The following ROBO2 variants were observed in gnomAD, a reference collection of about 807,000 sequenced individuals.
ROBO2 encodes the protein roundabout guidance receptor 2.
ROBO2 carries 53 observed loss-of-function variants against 160.8 expected under a neutral mutation model. The ratio of observed to expected loss-of-function variants is 0.33; its 90% CI spans 0.26 to 0.41. The LOEUF (loss-of-function observed/expected upper bound fraction) is 0.41, where lower values mean the gene tolerates loss of function less well. Ranked by LOEUF, ROBO2 falls within the 10% of genes least tolerant of loss-of-function variation. The pLI is 1.00. For missense variants in ROBO2, 1,577 were observed against 1,722.4 expected, an observed-to-expected ratio of 0.92 and a Z score of 1.49; for synonymous variants, 664 against 611.7, an observed-to-expected ratio of 1.09 and a Z score of -1.26.
At chr3:76,007,224 A>G (rs2066047264) in intron 2 of ROBO2, among the ~76,000 whole-genome samples, 1 of 152,138 alleles carries the variant, frequency 6.6e-6, no homozygotes, top group South Asian at 2.1e-4. Flanking sequence ...AAGTTAAAAT[A>G]AAAATCAAGA....
In ROBO2 at chr3:76,246,970, A is replaced by T. The variant is rs149417343; in HGVS notation, c.109+309368A>T. ...TTAGTTGTAAATTATCAGGCCTGGA[A>T]CACAACTGTAATGCTCAAGGGTGAC... is the stretch of plus-strand genomic sequence containing the variant. On this transcript the variant is annotated intron_variant, in intron 2 of 26. Coordinates refer to the ROBO2 transcript ENST00000487694. Among the ~76,000 whole-genome samples, 242 of 152,246 alleles carry T rather than the reference A, an allele frequency of 1.6e-3. 1 individual carries two copies. Among genetic ancestry groups the T allele is most frequent in the African/African-American group, 5.1e-3 (212 of 41,556 alleles).
At chr3:76,544,213 C>A (rs2082968791) in intron 2 of ROBO2, among the ~76,000 whole-genome samples, 1 of 151,954 alleles carries the variant, frequency 6.6e-6, no homozygotes. Context: ...TTTTCTTCAC[C>A]TGGAAAATTA....
chr3:75,910,880 CTTG>C (rs1946547480), intron 1 of ROBO2, among the ~76,000 whole-genome samples: 1 of 151,806 alleles, frequency 6.6e-6, no homozygotes, highest in South Asian at 2.1e-4. Flanking sequence ...ATTATTCGGA[CTTG>C]TTGAACTATG....
At chr3:77,464,663 A>G (rs1410975815) in intron 2 of ROBO2, among the ~76,000 whole-genome samples, 1 of 136,612 alleles carries the variant, frequency 7.3e-6, no homozygotes, top group Non-Finnish European at 1.5e-5. Context: ...AAAGTTATCC[A>G]ATTCTTAGGT....
intron 2 of ROBO2, among the ~76,000 whole-genome samples, chr3:76,605,383 T>C (rs1326042403): frequency 1.5e-5 from 2 of 130,424 alleles, no homozygotes; most frequent in African/African-American, 5.5e-5. Flanking sequence ...TCCAACTGTA[T>C]TTTAAAAAAA....
chr3:76,567,672 C>CATATATATGTAT (rs1325638162), intron 2 of ROBO2, among the ~76,000 whole-genome samples: 3 of 56,716 alleles, frequency 5.3e-5, no homozygotes. Flanking sequence ...CATATATATA[C>CATATATATGTAT]ATATATATGT....
At chr3:77,419,241 T>A (rs1485690244) in intron 2 of ROBO2, among the ~76,000 whole-genome samples, 2 of 152,076 alleles carry the variant, frequency 1.3e-5, no homozygotes, top group Admixed American at 6.6e-5. Flanking sequence ...CAGAGATACA[T>A]TGACCTATCT....
intron 2 of ROBO2, among the ~76,000 whole-genome samples, chr3:76,727,809 T>C (rs1392285892): frequency 3.3e-5 from 5 of 151,930 alleles, no homozygotes; most frequent in Non-Finnish European, 7.4e-5. Context: ...TACAGTTAGA[T>C]AAAAGGAAAA....
At chr3:77,143,751 T>C (rs1251487290) in intron 2 of ROBO2, among the ~76,000 whole-genome samples, 1 of 152,140 alleles carries the variant, frequency 6.6e-6, no homozygotes, top group African/African-American at 2.4e-5. Context: ...AATTTTTTGA[T>C]TCCTAATTAT....
intron 2 of ROBO2, among the ~76,000 whole-genome samples, chr3:76,812,013 G>A (rs2065234109): frequency 1.3e-5 from 2 of 151,532 alleles, no homozygotes; most frequent in Admixed American, 6.6e-5. Flanking sequence ...TAGGACTATA[G>A]GTGCCCACCA....
At chr3:77,455,710 G>A (rs1333237496) in intron 2 of ROBO2, among the ~76,000 whole-genome samples, 3 of 150,652 alleles carry the variant, frequency 2.0e-5, no homozygotes, top group Non-Finnish European at 2.9e-5. Context: ...GATTACAGGC[G>A]TGAGCCACCG....
At chr3:76,513,937 G>T (rs2081229317) in intron 2 of ROBO2, among the ~76,000 whole-genome samples, 1 of 152,030 alleles carries the variant, frequency 6.6e-6, no homozygotes, top group Non-Finnish European at 1.5e-5. Context: ...TACCAAAAAT[G>T]TTAACAATCA....
intron 2 of ROBO2, among the ~76,000 whole-genome samples, chr3:76,622,736 C>T (rs2109303446): frequency 6.6e-6 from 1 of 152,270 alleles, no homozygotes; most frequent in African/African-American, 2.4e-5. Context: ...CATATTGTTT[C>T]TTTGCCTACA....
At chr3:76,848,395 T>C (rs922902331) in intron 2 of ROBO2, among the ~76,000 whole-genome samples, 2 of 152,138 alleles carry the variant, frequency 1.3e-5, no homozygotes, top group African/African-American at 2.4e-5. Context: ...TCTAGGATGA[T>C]GGACTTCAAG....
At chr3:76,324,460 C>G (rs2072842233) in intron 2 of ROBO2, among the ~76,000 whole-genome samples, 1 of 152,162 alleles carries the variant, frequency 6.6e-6, no homozygotes, top group Non-Finnish European at 1.5e-5. Context: ...ATGTTTGGAA[C>G]AGTTGATAAG....
intron 2 of ROBO2, among the ~76,000 whole-genome samples, chr3:77,327,740 C>G (rs921624964): frequency 6.6e-6 from 1 of 152,008 alleles, no homozygotes; most frequent in African/African-American, 2.4e-5. Context: ...CCTTAACTAT[C>G]TGTATTAAAA....
chr3:76,143,800 C>A (rs1024030805), intron 2 of ROBO2, among the ~76,000 whole-genome samples: 1 of 152,024 alleles, frequency 6.6e-6, no homozygotes, highest in African/African-American at 2.4e-5. Flanking sequence ...GATCCTCAGT[C>A]GACAACCTGG....
At chr3:76,094,141 C>A (rs1337359614) in intron 2 of ROBO2, among the ~76,000 whole-genome samples, 1 of 152,106 alleles carries the variant, frequency 6.6e-6, no homozygotes, top group East Asian at 1.9e-4. Flanking sequence ...CACTCACACA[C>A]ACACACACAC....
chr3:76,606,072 T>C (rs2087629777), intron 2 of ROBO2, among the ~76,000 whole-genome samples: 1 of 152,082 alleles, frequency 6.6e-6, no homozygotes, highest in South Asian at 2.1e-4. Flanking sequence ...TTGTGCCTTA[T>C]GGTAAATTGT....
Sources: allele counts gnomAD v4.1 joint callset (sites outside exome capture counted in the v4.1 genomes callset), GRCh38; gene constraint gnomAD v4.1.1; transcripts MANE v1.5; gene names NCBI Gene and HGNC (gene_info 2026-07-23, HGNC 2026-07-21).